Variants in ANKS1B observed in about 807,000 individuals in gnomAD.
ANKS1B encodes the protein ankyrin repeat and sterile alpha motif domain containing 1B.
A neutral mutation model predicts 148.3 loss-of-function variants in ANKS1B; 36 were observed. The observed-to-expected ratio is 0.24, with a 90% CI of 0.19 to 0.32. The LOEUF (loss-of-function observed/expected upper bound fraction) is 0.32, where lower values mean the gene tolerates loss of function less well. Ranked by LOEUF, ANKS1B falls within the 10% of genes least tolerant of loss-of-function variation. ANKS1B has a pLI of 1.00. For missense variants in ANKS1B, 1,157 were observed against 1,542.6 expected (o/e 0.75, Z 4.19); for synonymous variants, 542 against 560.8 (o/e 0.97, Z 0.47).
intron 9 of ANKS1B, among the ~76,000 whole-genome samples, chr12:99,602,526 G>A (rs894894696): frequency 6.6e-6 from 1 of 152,090 alleles, no homozygotes; most frequent in Non-Finnish European, 1.5e-5. Context: ...TGGCCTCAAA[G>A]TATCTTCAGG....
intron 9 of ANKS1B, among the ~76,000 whole-genome samples, chr12:99,543,339 T>C (rs922933876): frequency 2.6e-5 from 4 of 152,094 alleles, no homozygotes; most frequent in Non-Finnish European, 5.9e-5. Context: ...GGCAAGGATA[T>C]GGAAAAATTG....
chr12:99,643,278 C>T (rs2098328182), intron 9 of ANKS1B, among the ~76,000 whole-genome samples: 1 of 152,114 alleles, frequency 6.6e-6, no homozygotes, highest in South Asian at 2.1e-4. Context: ...CCCAAATTTC[C>T]TCATATAAAT....
intron 8 of ANKS1B, among the ~76,000 whole-genome samples, chr12:99,751,288 CTTATTAAAAT>C (rs2061083479): frequency 6.6e-6 from 1 of 152,006 alleles, no homozygotes; most frequent in Non-Finnish European, 1.5e-5. Context: ...AATGTAACCT[CTTATTAAAAT>C]AAACAAAAAA....
chr12:99,915,278 G>A (rs968719703), intron 1 of ANKS1B, among the ~76,000 whole-genome samples: 6 of 150,638 alleles, frequency 4.0e-5, no homozygotes, highest in African/African-American at 1.2e-4. Flanking sequence ...TCACATTGGT[G>A]GGAAGAATAT....
intron 11 of ANKS1B, among the ~76,000 whole-genome samples, chr12:99,419,192 T>A (rs2095006634): frequency 6.6e-6 from 1 of 152,184 alleles, no homozygotes; most frequent in Admixed American, 6.5e-5. Flanking sequence ...TGTTAATTCT[T>A]CTTTAAATGT....
intron 14 of ANKS1B, among the ~76,000 whole-genome samples, chr12:99,205,678 A>G (rs2082583877): frequency 6.6e-6 from 1 of 152,122 alleles, no homozygotes; most frequent in South Asian, 2.1e-4. Context: ...GTGCTGTAAG[A>G]GAGCATTTGA....
chr12:99,135,763 T>C (rs1375164581), intron 15 of ANKS1B, among the ~76,000 whole-genome samples: 1 of 152,232 alleles, frequency 6.6e-6, no homozygotes, highest in Admixed American at 6.5e-5. Context: ...GAATGTGTGC[T>C]CTGGCAATAT....
intron 17 of ANKS1B, among the ~76,000 whole-genome samples, chr12:98,854,989 C>A (rs1234064467): frequency 6.6e-6 from 1 of 151,754 alleles, no homozygotes; most frequent in Non-Finnish European, 1.5e-5. Context: ...GAAACCCCGT[C>A]TCTACTAAAA....
intron 12 of ANKS1B, among the ~76,000 whole-genome samples, chr12:99,389,541 G>T (rs532729239): frequency 2.2e-4 from 33 of 151,994 alleles, no homozygotes; most frequent in Non-Finnish European, 1.2e-4. Flanking sequence ...TAACTTTAAT[G>T]ATCACACATA....
At chr12:98,833,998 C>A (rs754788166) in intron 17 of ANKS1B, among the ~76,000 whole-genome samples, 2 of 152,152 alleles carry the variant, frequency 1.3e-5, no homozygotes, top group South Asian at 2.1e-4. Context: ...GGTTAACTTA[C>A]GGGCCTTTTG....
chr12:99,833,507 T>C (rs146971298), intron 1 of ANKS1B, among the ~76,000 whole-genome samples: 4 of 152,204 alleles, frequency 2.6e-5, no homozygotes, highest in Admixed American at 6.5e-5. Context: ...ATGAATAGAA[T>C]AAGAACAAGA....
chr12:99,258,445 C>T (rs1324339352), intron 12 of ANKS1B, among the ~76,000 whole-genome samples: 1 of 151,562 alleles, frequency 6.6e-6, no homozygotes, highest in Non-Finnish European at 1.5e-5. Flanking sequence ...AAAAAGCATG[C>T]AAAATAATCA....
At chr12:99,414,840 T>G (rs1320782600) in intron 11 of ANKS1B, among the ~76,000 whole-genome samples, 2 of 152,240 alleles carry the variant, frequency 1.3e-5, no homozygotes. Context: ...GTATATGCCC[T>G]TTTCAGGGCA....
At chr12:98,851,620 A>G (rs1031594163) in intron 17 of ANKS1B, among the ~76,000 whole-genome samples, 1 of 152,220 alleles carries the variant, frequency 6.6e-6, no homozygotes, top group African/African-American at 2.4e-5. Flanking sequence ...TTGGTCTTCA[A>G]CTTAAACAAA....
chr12:99,973,574 C>G (rs541561586), intron 1 of ANKS1B, among the ~76,000 whole-genome samples: 70 of 152,174 alleles, frequency 4.6e-4, no homozygotes, highest in African/African-American at 1.7e-3. Context: ...AGAGTGAGAC[C>G]CTATCACAAA....
intron 12 of ANKS1B, among the ~76,000 whole-genome samples, chr12:99,387,813 T>C (rs966040155): frequency 7.1e-5 from 10 of 141,138 alleles, no homozygotes; most frequent in African/African-American, 2.7e-4. Flanking sequence ...TATTTTGTTA[T>C]AACAGCCCGA....
chr12:99,664,830 C>T (rs2098497962), intron 8 of ANKS1B, among the ~76,000 whole-genome samples: 1 of 152,162 alleles, frequency 6.6e-6, no homozygotes, highest in African/African-American at 2.4e-5. Flanking sequence ...TTAAAATTTT[C>T]TGAAAATTAC....
At chr12:99,200,262 T>A (rs1377487567) in intron 14 of ANKS1B, among the ~76,000 whole-genome samples, 1 of 152,224 alleles carries the variant, frequency 6.6e-6, no homozygotes, top group African/African-American at 2.4e-5. Context: ...TCAAATCAGA[T>A]AAAATATTTA....
intron 22 of ANKS1B, among the ~76,000 whole-genome samples, chr12:98,790,479 T>G (rs1054741458): frequency 2.0e-5 from 3 of 151,986 alleles, no homozygotes; most frequent in African/African-American, 4.8e-5. Context: ...TAGCTATTAC[T>G]GCTTAAAAAC....
Sources: allele counts gnomAD v4.1 joint callset (sites outside exome capture counted in the v4.1 genomes callset), GRCh38; gene constraint gnomAD v4.1.1; transcripts MANE v1.5; gene names NCBI Gene and HGNC (gene_info 2026-07-23, HGNC 2026-07-21).